ANKRD13C: variants seen among roughly 807,000 people sequenced by gnomAD.
The protein encoded by ANKRD13C is ankyrin repeat domain 13C.
A neutral mutation model predicts 65.5 loss-of-function variants in ANKRD13C; 16 were observed. The observed-to-expected ratio is 0.24, with a 90% CI of 0.17 to 0.37. The LOEUF is 0.37. Ranked by LOEUF, ANKRD13C falls within the 10% of genes least tolerant of loss-of-function variation. ANKRD13C has a pLI of 1.00. For synonymous variants in ANKRD13C, 235 were observed against 238.7 expected, an observed-to-expected ratio of 0.98 and a Z score of 0.14; for missense variants, 503 against 655.9, an observed-to-expected ratio of 0.77 and a Z score of 2.55.
rs1204342410 is a variant in ANKRD13C, at chr1:70,354,158, G to T, written c.251C>A (p.Ser84Tyr). The change falls in exon 1 of 13, where the codon TCC becomes TAC. Residue 84 changes from serine (S) to tyrosine (Y), a missense_variant. By Grantham distance (144) the Ser-to-Tyr change is moderately radical. Transcript: ENST00000370944. ...CGGGGACTGGGAGTTGGCAGTCACG[G>T]AGGAATTGTGCAGCGGCAGAGCCGG... ...GAPALPLHNS[S>Y]VTANSQSPAL... 4.3e-6 allele frequency: 7 copies of T among 1,614,026 alleles called. No homozygotes were observed. The highest frequency in any genetic ancestry group is 5.9e-6 in the Non-Finnish European group (7 of 1,180,008).
intron 12 of ANKRD13C, among the ~76,000 whole-genome samples, chr1:70,269,691 G>A (rs1443429998): frequency 1.3e-5 from 2 of 150,008 alleles, no homozygotes; most frequent in African/African-American, 2.5e-5. Flanking sequence ...GGCAACTAGA[G>A]TGACATTTTG....
rs184144429 is a variant in ANKRD13C at position 70,319,078 on chromosome 1, G to A, written c.578-3512C>T. ...ACCTCATTTGTTCCAAAAATGTTTT[G>A]TTCTAAATATCTCTTGCCTCCCTGA... On this transcript the variant is annotated intron_variant, in intron 3 of 12. Coordinates refer to ENST00000370944, the MANE Select transcript of ANKRD13C (RefSeq NM_030816.5). 2.6e-5 allele frequency among the ~76,000 whole-genome samples: 4 copies of A among 152,140 alleles called. No homozygotes were observed. The East Asian group carries it at 7.7e-4, about 29-fold the overall frequency.
chr1:70,318,196 C>G (rs1243496737), intron 3 of ANKRD13C, among the ~76,000 whole-genome samples: 1 of 151,916 alleles, frequency 6.6e-6, no homozygotes, highest in African/African-American at 2.4e-5. Context: ...ATTTGTATTC[C>G]CATATTGTAA....
intron 1 of ANKRD13C, among the ~76,000 whole-genome samples, chr1:70,350,815 G>A (rs932852663): frequency 1.3e-5 from 2 of 152,064 alleles, no homozygotes; most frequent in Admixed American, 6.6e-5. Context: ...CTTTAGTGAC[G>A]TTTCCTTGCC....
rs565761025 is a variant in ANKRD13C, at chr1:70,303,921, T to C, written c.776+2303A>G. Among the ~76,000 whole-genome samples, 651 of 152,342 alleles carry C rather than the reference T, an allele frequency of 4.3e-3. 6 individuals are homozygous for C. The highest frequency in any genetic ancestry group is 0.038 in the South Asian group (183 of 4,828). On this transcript the variant is annotated intron_variant, in intron 6 of 12. Coordinates refer to ENST00000370944, the MANE Select transcript of ANKRD13C (RefSeq NM_030816.5). ...GCTTTAGAACCTATCACATTTGTCC[T>C]TCATCCTTAGTTACTAGTAAGCCCC...
In ANKRD13C at chr1:70,260,090, G is replaced by A. The variant is rs1026681730; in HGVS notation, c.*2627C>T. On this transcript the variant is annotated 3_prime_UTR_variant, in exon 13 of 13. Transcript: ENST00000370944. The stretch of plus-strand genomic sequence containing the variant: ...AAACCCATTTTTATTAGCATGAGTG[G>A]GGCTTAATTCCAGTTCTGAGCAGAA... Among the ~76,000 whole-genome samples, 1 of 151,990 alleles carries A rather than the reference G, an allele frequency of 6.6e-6. No homozygotes were observed. The highest frequency in any genetic ancestry group is 2.4e-5 in the African/African-American group (1 of 41,382).
At chr1:70,267,076 A>C (rs1283836841) in intron 12 of ANKRD13C, among the ~76,000 whole-genome samples, 1 of 151,970 alleles carries the variant, frequency 6.6e-6, no homozygotes, top group African/African-American at 2.4e-5. Flanking sequence ...CCATTCTTTC[A>C]ATTTTTGTTT....
intron 6 of ANKRD13C, chr1:70,305,768 T>G (rs547231569): frequency 6.6e-6 from 1 of 152,138 alleles, no homozygotes; most frequent in African/African-American, 2.4e-5. Context: ...GATCAATGAA[T>G]GAACAGATGA....
At chr1:70,310,023 T>C (rs1170075658) in intron 5 of ANKRD13C, among the ~76,000 whole-genome samples, 2 of 152,084 alleles carry the variant, frequency 1.3e-5, no homozygotes, top group African/African-American at 4.8e-5. Context: ...AGAAAACATA[T>C]AAAATATGTG....
At chr1:70,347,800 TG>T (rs1469399751) in intron 1 of ANKRD13C, among the ~76,000 whole-genome samples, 1 of 152,120 alleles carries the variant, frequency 6.6e-6, no homozygotes, top group African/African-American at 2.4e-5. Flanking sequence ...AAATCAACCC[TG>T]ATCAATGGAG....
chr1:70,287,552 G>A (rs537441770), intron 9 of ANKRD13C, among the ~76,000 whole-genome samples: 1 of 152,132 alleles, frequency 6.6e-6, no homozygotes, highest in African/African-American at 2.4e-5. Flanking sequence ...TCTCAGATTT[G>A]GCATGTGACA....
intron 12 of ANKRD13C, among the ~76,000 whole-genome samples, chr1:70,264,408 G>A (rs545874148): frequency 4.7e-4 from 71 of 150,208 alleles, no homozygotes; most frequent in Admixed American, 1.9e-3. Flanking sequence ...CCCAGGAGGC[G>A]GAGGTTGCAG....
chr1:70,317,416 AT>A (rs1490315618), intron 3 of ANKRD13C, among the ~76,000 whole-genome samples: 2 of 152,108 alleles, frequency 1.3e-5, no homozygotes. Context: ...TTCTTAATAA[AT>A]TTTTTTAAAG....
intron 9 of ANKRD13C, among the ~76,000 whole-genome samples, chr1:70,289,343 G>C (rs928009143): frequency 6.6e-6 from 1 of 152,178 alleles, no homozygotes. Flanking sequence ...AAATCAAGTT[G>C]TCTATCGTAA....
At chr1:70,320,355 G>C (rs1272485355) in intron 3 of ANKRD13C, among the ~76,000 whole-genome samples, 1 of 151,536 alleles carries the variant, frequency 6.6e-6, no homozygotes, top group Non-Finnish European at 1.5e-5. Context: ...TTGAGACAGG[G>C]TCTCACTTTG....
chr1:70,276,523 G>A (rs1052584456), intron 10 of ANKRD13C, among the ~76,000 whole-genome samples: 1 of 152,090 alleles, frequency 6.6e-6, no homozygotes, highest in African/African-American at 2.4e-5. Context: ...TTTTAGGTGT[G>A]TATAAATTGA....
At chr1:70,299,450 T>C (rs1007735319) in intron 7 of ANKRD13C, among the ~76,000 whole-genome samples, 2 of 152,214 alleles carry the variant, frequency 1.3e-5, no homozygotes, top group Non-Finnish European at 2.9e-5. Flanking sequence ...ACATGTGGGA[T>C]AATTTAGAAG....
At chr1:70,349,140 AATT>A (rs1284039040) in intron 1 of ANKRD13C, among the ~76,000 whole-genome samples, 1 of 152,204 alleles carries the variant, frequency 6.6e-6, no homozygotes, top group Non-Finnish European at 1.5e-5. Context: ...CAATAAGTAA[AATT>A]ATTATCAATT....
rs950202430 is a variant in ANKRD13C, at chr1:70,262,495, A to G, written c.*222T>C. On this transcript the variant is annotated 3_prime_UTR_variant, in exon 13 of 13. Coordinates refer to ENST00000370944, the MANE Select transcript of ANKRD13C (RefSeq NM_030816.5). ...GGTCATTAATGTGTCAAACTATTAC[A>G]TTTATAATATGTATATTTTTAAAAA... 3.4e-5 allele frequency: 11 copies of G among 322,274 alleles called. No individual in the cohort carries two copies. The East Asian group carries it at 5.5e-4, about 16-fold the overall frequency. The allele number at this position is 322,274 out of a possible 1,614,324, so 20.0% of individuals were successfully genotyped here. A position where few individuals can be genotyped will look rare whatever the true frequency, so the allele number is the denominator to read the frequency against.
Sources: gnomAD v4.1 joint callset for allele counts (sites outside exome capture counted in the v4.1 genomes callset) on GRCh38, gnomAD v4.1.1 for gene constraint, MANE v1.5 for transcripts, NCBI Gene and HGNC (gene_info 2026-07-23, HGNC 2026-07-21) for gene names.